Variants in KLF12 observed in about 807,000 individuals in gnomAD.
The protein encoded by KLF12 is Krueppel-like factor 12.
Under a neutral mutation model 37.8 loss-of-function variants are expected in KLF12, and 9 were observed. That is an observed-to-expected ratio of 0.24 (90% CI 0.14 to 0.42). The LOEUF (loss-of-function observed/expected upper bound fraction) is 0.42. Ranked by LOEUF, KLF12 falls within the 10% of genes least tolerant of loss-of-function variation. The pLI is 1.00. For missense variants in KLF12, 411 were observed against 516.0 expected (o/e 0.80, Z 1.97); for synonymous variants, 208 against 202.1 (o/e 1.03, Z -0.25).
chr13:74,013,402 G>A (rs1892599744), intron 1 of KLF12, among the ~76,000 whole-genome samples: 1 of 152,192 alleles, frequency 6.6e-6, no homozygotes, highest in East Asian at 1.9e-4. Context: ...GCACTCTCTG[G>A]AGAGAACCAC....
At chr13:73,786,173 T>C (rs1194929738) in intron 5 of KLF12, among the ~76,000 whole-genome samples, 2 of 152,178 alleles carry the variant, frequency 1.3e-5, no homozygotes, top group African/African-American at 4.8e-5. Flanking sequence ...GAGGTGCAAC[T>C]GGTGAGCAGT....
chr13:73,930,280 CAA>C (rs1194745845), intron 3 of KLF12, among the ~76,000 whole-genome samples: 1 of 152,052 alleles, frequency 6.6e-6, no homozygotes, highest in Non-Finnish European at 1.5e-5. Flanking sequence ...TTAAAAAACG[CAA>C]ATATCTATTA....
At chr13:74,094,017 A>AT (rs1875832958) in intron 1 of KLF12, among the ~76,000 whole-genome samples, 1 of 151,918 alleles carries the variant, frequency 6.6e-6, no homozygotes, top group Admixed American at 6.6e-5. Context: ...ACAAACATGT[A>AT]TTCAACACTT....
At chr13:74,174,779 T>A in the KLF12 span, among the ~76,000 whole-genome samples, 3 of 152,246 alleles carry the variant, frequency 2.0e-5, no homozygotes, top group Non-Finnish European at 4.4e-5. Context: ...AGTTTGTTAC[T>A]TTCAGCATCT....
the KLF12 span, among the ~76,000 whole-genome samples, chr13:74,277,994 G>T: frequency 6.6e-6 from 1 of 152,196 alleles, no homozygotes; most frequent in South Asian, 2.1e-4. Context: ...TAGGAGGAGA[G>T]ATAGGTTGGG....
intron 1 of KLF12, among the ~76,000 whole-genome samples, chr13:74,030,424 T>C (rs907645032): frequency 3.9e-5 from 6 of 152,126 alleles, no homozygotes. Context: ...ACTGCCAATA[T>C]ATGGTCATTA....
chr13:73,979,701 C>T (rs1891639861), intron 2 of KLF12, among the ~76,000 whole-genome samples: 1 of 152,098 alleles, frequency 6.6e-6, no homozygotes, highest in South Asian at 2.1e-4. Context: ...AGTACAGATA[C>T]AGCGAGGTTA....
the KLF12 span, among the ~76,000 whole-genome samples, chr13:74,172,882 T>G: frequency 6.6e-6 from 1 of 152,206 alleles, no homozygotes; most frequent in Non-Finnish European, 1.5e-5. Context: ...CCACCCTTTT[T>G]CTGATCAACA....
At chr13:74,089,789 G>A (rs1216686733) in intron 1 of KLF12, among the ~76,000 whole-genome samples, 1 of 124,254 alleles carries the variant, frequency 8.0e-6, no homozygotes, top group African/African-American at 3.0e-5. Context: ...TTGACACGAC[G>A]TAACATGCAG....
intron 3 of KLF12, among the ~76,000 whole-genome samples, chr13:73,896,238 C>A (rs1319138119): frequency 2.0e-5 from 3 of 152,192 alleles, no homozygotes; most frequent in Non-Finnish European, 4.4e-5. Context: ...GCAAAACATG[C>A]TGGCTCTTTC....
intron 1 of KLF12, among the ~76,000 whole-genome samples, chr13:74,090,028 G>C (rs1323568712): frequency 6.6e-6 from 1 of 151,994 alleles, no homozygotes; most frequent in African/African-American, 2.4e-5. Context: ...TCTTGATCTT[G>C]TATATAGAAA....
At chr13:74,072,207 T>C (rs1421919704) in intron 1 of KLF12, among the ~76,000 whole-genome samples, 1 of 151,724 alleles carries the variant, frequency 6.6e-6, no homozygotes, top group African/African-American at 2.4e-5. Flanking sequence ...TTATCATACA[T>C]TTCTTTTGTA....
the KLF12 span, among the ~76,000 whole-genome samples, chr13:74,156,445 A>G: frequency 1.3e-5 from 2 of 152,240 alleles, no homozygotes; most frequent in Non-Finnish European, 2.9e-5. Flanking sequence ...AGAATGAGGT[A>G]TCCATCCCCT....
At chr13:73,748,379 A>G (rs1383791386) in intron 6 of KLF12, among the ~76,000 whole-genome samples, 1 of 152,198 alleles carries the variant, frequency 6.6e-6, no homozygotes, top group Non-Finnish European at 1.5e-5. Context: ...CACACGTTGA[A>G]GCCATAATCC....
At chr13:73,996,503 A>C (rs761640303) in intron 1 of KLF12, among the ~76,000 whole-genome samples, 6 of 152,152 alleles carry the variant, frequency 3.9e-5, no homozygotes, top group Non-Finnish European at 8.8e-5. Flanking sequence ...TAGTTCTATA[A>C]TTTTTTTCAT....
intron 3 of KLF12, among the ~76,000 whole-genome samples, chr13:73,881,948 C>A (rs910559860): frequency 6.6e-6 from 1 of 152,180 alleles, no homozygotes; most frequent in African/African-American, 2.4e-5. Flanking sequence ...GTAACTGGGT[C>A]TTTTTCATCC....
rs1888639690 is a variant in KLF12, at chr13:73,912,917, T to TC, written c.123+31063dup. On this transcript the variant is annotated intron_variant, in intron 3 of 7. Transcript: ENST00000377669. ...GGCTTCATCCTCTGGCTTCTCCCTC[T>TC]CTCTCTCTCTCATATCCTTCCCCTA... Among the ~76,000 whole-genome samples the TC allele has an allele frequency of 4.0e-5, 6 of 151,686 alleles. No individual in the cohort carries two copies. The South Asian group carries it at 1.0e-3, about 26-fold the overall frequency.
At chr13:74,206,793 A>T in the KLF12 span, among the ~76,000 whole-genome samples, 1 of 152,236 alleles carries the variant, frequency 6.6e-6, no homozygotes, top group East Asian at 1.9e-4. Flanking sequence ...CAATTTATTT[A>T]ATTTTGTGTA....
intron 2 of KLF12, among the ~76,000 whole-genome samples, chr13:73,951,031 G>A (rs1013874836): frequency 6.6e-6 from 1 of 152,180 alleles, no homozygotes; most frequent in Non-Finnish European, 1.5e-5. Context: ...CCATGAGCCT[G>A]GGCAGAAGTG....
Sources: allele counts gnomAD v4.1 joint callset (sites outside exome capture counted in the v4.1 genomes callset), GRCh38; gene constraint gnomAD v4.1.1; transcripts MANE v1.5; gene names NCBI Gene and HGNC (gene_info 2026-07-23, HGNC 2026-07-21).